Variants in PCDH7 observed in about 807,000 individuals in gnomAD.
PCDH7 encodes protocadherin 7.
A neutral mutation model predicts 58.9 loss-of-function variants in PCDH7; 17 were observed. The observed-to-expected ratio is 0.29, with a 90% CI of 0.20 to 0.43. The LOEUF is 0.43. PCDH7 is among the 20% of genes least tolerant of loss of function. PCDH7 has a pLI of 1.00. For synonymous variants in PCDH7, 664 were observed against 616.4 expected (o/e 1.08, Z -1.14); for missense variants, 1,274 against 1,441.0 (o/e 0.88, Z 1.88).
At chr4:30,805,296 G>T (rs1413880452) in intron 1 of PCDH7, among the ~76,000 whole-genome samples, 1 of 152,090 alleles carries the variant, frequency 6.6e-6, no homozygotes, top group African/African-American at 2.4e-5. Context: ...ATGGTAGGGG[G>T]TCATATGGTA....
chr4:30,996,017 T>C (rs1000961384), intron 3 of PCDH7, among the ~76,000 whole-genome samples: 1 of 152,162 alleles, frequency 6.6e-6, no homozygotes, highest in African/African-American at 2.4e-5. Flanking sequence ...TGCACCTCTT[T>C]GGTGGCCATT....
At chr4:31,084,872 T>A (rs1207008855) in intron 3 of PCDH7, among the ~76,000 whole-genome samples, 2 of 151,734 alleles carry the variant, frequency 1.3e-5, no homozygotes, top group African/African-American at 4.8e-5. Flanking sequence ...AACTCACTCA[T>A]CACCAAGGGG....
chr4:30,971,659 G>T (rs977841535), intron 3 of PCDH7, among the ~76,000 whole-genome samples: 1 of 152,202 alleles, frequency 6.6e-6, no homozygotes, highest in Non-Finnish European at 1.5e-5. Context: ...TGCACAGTAA[G>T]TGATACATTG....
At chr4:30,745,753 A>G (rs1424447168) in intron 1 of PCDH7, among the ~76,000 whole-genome samples, 1 of 151,792 alleles carries the variant, frequency 6.6e-6, no homozygotes, top group East Asian at 1.9e-4. Flanking sequence ...TCCAGGATCA[A>G]ATTACTCAGT....
intron 1 of PCDH7, among the ~76,000 whole-genome samples, chr4:30,913,462 T>C (rs898384990): frequency 2.0e-5 from 3 of 152,188 alleles, no homozygotes; most frequent in African/African-American, 7.2e-5. Context: ...GACTTAACTT[T>C]CCTTGAACTC....
At chr4:31,013,000 G>T (rs900502678) in intron 3 of PCDH7, among the ~76,000 whole-genome samples, 2 of 149,504 alleles carry the variant, frequency 1.3e-5, no homozygotes, top group Non-Finnish European at 3.0e-5. Flanking sequence ...GGGCAACAAA[G>T]TGAGAGATGG....
chr4:31,137,039 A>G (rs1719687036), intron 3 of PCDH7, among the ~76,000 whole-genome samples: 1 of 152,226 alleles, frequency 6.6e-6, no homozygotes, highest in South Asian at 2.1e-4. Flanking sequence ...CAGTGAAGGG[A>G]ATGTTAAAAC....
chr4:31,140,783 G>A (rs1307005819), intron 3 of PCDH7, among the ~76,000 whole-genome samples: 1 of 150,790 alleles, frequency 6.6e-6, no homozygotes, highest in Non-Finnish European at 1.5e-5. Context: ...ACAATTTAGG[G>A]TAAAAAAATG....
At chr4:30,754,161 GGTGT>G (rs137965585) in intron 1 of PCDH7, among the ~76,000 whole-genome samples, 28 of 138,576 alleles carry the variant, frequency 2.0e-4, no homozygotes, top group Admixed American at 1.3e-3. Context: ...GCAAACACTA[GGTGT>G]GTGTGTGTGT....
intron 3 of PCDH7, among the ~76,000 whole-genome samples, chr4:31,036,792 C>A (rs1206414657): frequency 6.6e-6 from 1 of 152,046 alleles, no homozygotes; most frequent in African/African-American, 2.4e-5. Context: ...GGAGACTGGG[C>A]AATTTACTAA....
chr4:30,981,786 T>G (rs1450357115), intron 3 of PCDH7, among the ~76,000 whole-genome samples: 1 of 152,212 alleles, frequency 6.6e-6, no homozygotes. Context: ...GTGTTGTATA[T>G]CACTGATTTT....
At chr4:31,039,138 C>T (rs1215402874) in intron 3 of PCDH7, among the ~76,000 whole-genome samples, 1 of 152,006 alleles carries the variant, frequency 6.6e-6, no homozygotes, top group Non-Finnish European at 1.5e-5. Flanking sequence ...CATTTCTGCT[C>T]AGTGTGGTTT....
At chr4:31,077,675 G>A (rs1212721790) in intron 3 of PCDH7, among the ~76,000 whole-genome samples, 3 of 152,156 alleles carry the variant, frequency 2.0e-5, no homozygotes, top group Non-Finnish European at 4.4e-5. Flanking sequence ...GCTTGCTTTG[G>A]TGAGAGCTGA....
chr4:30,911,860 T>C (rs1468771638), intron 1 of PCDH7, among the ~76,000 whole-genome samples: 2 of 152,148 alleles, frequency 1.3e-5, no homozygotes. Flanking sequence ...GAATAGCATT[T>C]TCCTGGCACA....
At chr4:30,930,420 G>C (rs1400828794) in intron 2 of PCDH7, among the ~76,000 whole-genome samples, 1 of 152,160 alleles carries the variant, frequency 6.6e-6, no homozygotes, top group Non-Finnish European at 1.5e-5. Flanking sequence ...TATTTAACAG[G>C]ATATAGATCT....
At chr4:30,906,964 A>G (rs1350604147) in intron 1 of PCDH7, among the ~76,000 whole-genome samples, 3 of 152,146 alleles carry the variant, frequency 2.0e-5, no homozygotes, top group African/African-American at 7.2e-5. Flanking sequence ...TGGAGGTTGC[A>G]GTGACCCAAG....
At chr4:31,110,695 C>A (rs1046544510) in intron 3 of PCDH7, among the ~76,000 whole-genome samples, 1 of 152,034 alleles carries the variant, frequency 6.6e-6, no homozygotes, top group South Asian at 2.1e-4. Flanking sequence ...TCGGGTGGAT[C>A]ACGAGGTCAG....
chr4:30,777,334 A>G (rs1374675037), intron 1 of PCDH7, among the ~76,000 whole-genome samples: 2 of 152,194 alleles, frequency 1.3e-5, no homozygotes, highest in Non-Finnish European at 2.9e-5. Context: ...AACAGCAGAA[A>G]ATTTTTAAAA....
chr4:30,878,707 G>A (rs1190119635), intron 1 of PCDH7, among the ~76,000 whole-genome samples: 2 of 152,020 alleles, frequency 1.3e-5, no homozygotes, highest in Non-Finnish European at 2.9e-5. Flanking sequence ...AAAATTGTCT[G>A]GGTTTGATGG....
Sources: allele counts gnomAD v4.1 joint callset (sites outside exome capture counted in the v4.1 genomes callset), GRCh38; gene constraint gnomAD v4.1.1; transcripts MANE v1.5; gene names NCBI Gene and HGNC (gene_info 2026-07-23, HGNC 2026-07-21).